The following HMGA2 variants were observed in gnomAD, a reference collection of about 807,000 sequenced individuals.
HMGA2 encodes high mobility group protein HMGI-C.
HMGA2 carries 8 observed loss-of-function variants against 19.1 expected under a neutral mutation model. That is an observed-to-expected ratio of 0.42 (90% CI 0.25 to 0.76). The LOEUF (loss-of-function observed/expected upper bound fraction) is 0.76, where lower values mean the gene tolerates loss of function less well. HMGA2 is among the 30% of genes least tolerant of loss of function. The pLI is 0.28. For synonymous variants in HMGA2, 60 were observed against 48.8 expected, an observed-to-expected ratio of 1.23 and a Z score of -0.96; for missense variants, 109 against 136.3, an observed-to-expected ratio of 0.80 and a Z score of 1.00.
At chr12:65,925,434 G>T (rs866735776) in intron 3 of HMGA2, among the ~76,000 whole-genome samples, 2 of 152,268 alleles carry the variant, frequency 1.3e-5, no homozygotes, top group South Asian at 4.1e-4. Flanking sequence ...AACCTGACTT[G>T]CAGCTTAGGC....
chr12:65,951,027 C>T (rs1876439446), intron 3 of HMGA2, among the ~76,000 whole-genome samples: 1 of 152,018 alleles, frequency 6.6e-6, no homozygotes. Flanking sequence ...CTTTCTTGGC[C>T]CAGGTGATCC....
chr12:65,963,067 C>G (rs980482207), intron 4 of HMGA2, among the ~76,000 whole-genome samples, 178 bp from the exon 5 acceptor site: 1 of 152,088 alleles, frequency 6.6e-6, no homozygotes. Flanking sequence ...AAAACAACAC[C>G]TTGATTCCTC....
intron 3 of HMGA2, among the ~76,000 whole-genome samples, chr12:65,855,458 T>TCACA (rs3048829): frequency 0.55 from 77,491 of 140,276 alleles, 25,724 homozygotes; most frequent in Non-Finnish European, 0.74. Context: ...TCTCTCTCTC[T>TCACA]CACACACACA....
intron 3 of HMGA2, among the ~76,000 whole-genome samples, chr12:65,922,551 A>T (rs893568573): frequency 3.9e-5 from 6 of 152,202 alleles, no homozygotes; most frequent in African/African-American, 1.4e-4. Context: ...TTAATTTTAC[A>T]GGCTCATACA....
chr12:65,949,334 A>G (rs910285949), intron 3 of HMGA2, among the ~76,000 whole-genome samples: 3 of 152,122 alleles, frequency 2.0e-5, no homozygotes, highest in African/African-American at 7.2e-5. Flanking sequence ...CCAGCAATAA[A>G]CCACTGTACC....
chr12:65,876,791 C>T (rs555590076), intron 3 of HMGA2: 1 of 152,346 alleles, frequency 6.6e-6, no homozygotes, highest in Admixed American at 6.5e-5. Flanking sequence ...CATAGCAACA[C>T]ATGTCCCTAA....
chr12:65,915,357 T>C, intron 3 of HMGA2: 1 of 1,341,314 alleles, frequency 7.5e-7, no homozygotes, highest in Non-Finnish European at 9.6e-7. Flanking sequence ...TGTACGAATT[T>C]GAAAAAAGTA....
intron 3 of HMGA2, among the ~76,000 whole-genome samples, chr12:65,905,384 T>C (rs1874548612): frequency 6.6e-6 from 1 of 152,204 alleles, no homozygotes; most frequent in East Asian, 1.9e-4. Context: ...GCTTCTTGTA[T>C]GGGATTCCAT....
Position 65,965,233 on chromosome 12 carries a change from T to C in HMGA2, c.*1941T>C, listed in dbSNP as rs147005466. On this transcript the variant is annotated 3_prime_UTR_variant, in exon 5 of 5. Transcript: ENST00000403681. ...CAATCAAAAATATGTGTTTTTAAGA[T>C]TAGTTGAATATAAGAAAATGCTTGA... 3.7e-3 allele frequency: 745 copies of C among 202,128 alleles called. 3 individuals carry two copies. Among genetic ancestry groups the C allele is most frequent in the Non-Finnish European group, 6.0e-3 (588 of 97,854 alleles). The allele number at this position is 202,128 out of a possible 1,614,324, so 12.5% of individuals were successfully genotyped here.
intron 1 of HMGA2, among the ~76,000 whole-genome samples, chr12:65,827,636 G>A (rs1439982780): frequency 6.6e-6 from 1 of 152,170 alleles, no homozygotes; most frequent in Non-Finnish European, 1.5e-5. Flanking sequence ...GCAGAGTGGT[G>A]TTCGTTTAAA....
intron 3 of HMGA2, among the ~76,000 whole-genome samples, chr12:65,899,125 A>C (rs1329361573): frequency 6.6e-6 from 1 of 151,648 alleles, no homozygotes; most frequent in African/African-American, 2.4e-5. Context: ...CAATGGAGTC[A>C]ATTTCCAACG....
At chr12:65,912,208 A>G (rs908937762) in intron 3 of HMGA2, among the ~76,000 whole-genome samples, 19 of 152,308 alleles carry the variant, frequency 1.2e-4, no homozygotes, top group African/African-American at 4.3e-4. Context: ...ATTTATGCAT[A>G]TTATTTTGGT....
At chr12:65,849,493 G>A (rs185872683) in intron 3 of HMGA2, among the ~76,000 whole-genome samples, 10 of 152,272 alleles carry the variant, frequency 6.6e-5, no homozygotes, top group African/African-American at 2.2e-4. Flanking sequence ...TTAAGAGAAA[G>A]TATAGTTTGA....
intron 4 of HMGA2, chr12:65,958,391 T>C (rs542419463): frequency 4.6e-5 from 7 of 152,260 alleles, no homozygotes; most frequent in Non-Finnish European, 4.4e-5. Context: ...ATTGTTTATA[T>C]ATGTTCCATT....
At chr12:65,896,357 T>C (rs1592428995) in intron 3 of HMGA2, among the ~76,000 whole-genome samples, 1 of 152,210 alleles carries the variant, frequency 6.6e-6, no homozygotes, top group South Asian at 2.1e-4. Context: ...CCTCTAATCA[T>C]TGGATTTGCC....
intron 3 of HMGA2, among the ~76,000 whole-genome samples, chr12:65,872,358 G>A (rs1210923401): frequency 1.3e-5 from 2 of 152,194 alleles, no homozygotes; most frequent in East Asian, 1.9e-4. Context: ...CACCCGGGAG[G>A]CTCTTCTTTC....
chr12:65,828,118 TTCA>T, intron 2 of HMGA2, 31 bp downstream of exon 2: 1 of 1,493,706 alleles, frequency 6.7e-7, no homozygotes, highest in Non-Finnish European at 9.3e-7. Flanking sequence ...CTCTCCTAAC[TTCA>T]TCAATGACTG....
rs1462664137 is a variant in HMGA2 at position 65,958,715 on chromosome 12, A to G, written c.283-4530A>G. On this transcript the variant is annotated intron_variant, in intron 4 of 4. Coordinates refer to ENST00000403681, the MANE Select transcript of HMGA2 (RefSeq NM_003483.6). ...GTTGAACATACACAGATGACAAAAA[A>G]GAATGCCATTTAGCCATAACTACCC... The G allele has an allele frequency of 4.6e-5, 7 of 152,356 alleles. No individual in the cohort carries two copies. In the East Asian group the frequency reaches 1.2e-3, roughly 25 times the overall value. 9.4% of individuals were successfully genotyped at this position (152,356 alleles called of 1,614,324 possible). A position where few individuals can be genotyped will look rare whatever the true frequency, so the allele number is the denominator to read the frequency against.
intron 4 of HMGA2, chr12:65,956,848 T>A (rs1876620033): frequency 6.6e-6 from 1 of 152,160 alleles, no homozygotes; most frequent in South Asian, 2.1e-4. Context: ...TAAAAACCAA[T>A]TGTTTACTCA....
Sources: allele counts gnomAD v4.1 joint callset (sites outside exome capture counted in the v4.1 genomes callset), GRCh38; gene constraint gnomAD v4.1.1; transcripts MANE v1.5; gene names NCBI Gene and HGNC (gene_info 2026-07-23, HGNC 2026-07-21).